NBN: variants seen among roughly 807,000 people sequenced by gnomAD.
The protein encoded by NBN is Nijmegen breakage syndrome 1 (nibrin).
Under a neutral mutation model 90.8 loss-of-function variants are expected in NBN, and 88 were observed. That is an observed-to-expected ratio of 0.97 (90% CI 0.82 to 1.16). The LOEUF is 1.16. Ranked by LOEUF, NBN falls within the 50% of genes most tolerant of loss-of-function variation. The probability of loss-of-function intolerance (pLI) is 0.00; values close to 1 mark genes in which losing one functional copy is unlikely to be tolerated. For missense variants in NBN, 894 were observed against 869.6 expected, an observed-to-expected ratio of 1.03 and a Z score of -0.35; for synonymous variants, 328 against 295.1, an observed-to-expected ratio of 1.11 and a Z score of -1.14.
chr8:89,984,480 T>A (rs1411468701), intron 1 of NBN, 45 bp downstream of exon 1: 1 of 1,573,770 alleles, frequency 6.4e-7, no homozygotes, highest in Non-Finnish European at 8.7e-7. Context: ...CCCGAGGCAG[T>A]CGCTACCGGG....
At chr8:89,951,946 G>A (rs1446739600) in intron 11 of NBN, among the ~76,000 whole-genome samples, 1 of 152,092 alleles carries the variant, frequency 6.6e-6, no homozygotes, top group East Asian at 1.9e-4. Flanking sequence ...TCCAATTCTG[G>A]CCAATAACAA....
In NBN at chr8:89,953,684, C is replaced by A. The variant is rs148205441; in HGVS notation, c.1405G>T (p.Asp469Tyr). The change falls in exon 11 of 16, where the codon GAT becomes TAT. Residue 469 changes from aspartate to tyrosine, a missense_variant. By Grantham distance (160) the Asp-to-Tyr change is radical (BLOSUM62 -3). Coordinates refer to ENST00000265433, the MANE Select transcript of NBN (RefSeq NM_002485.5). The part of the protein sequence containing the change: ...FQPSTKKRER[D>Y]EENQEMSSCK... ...GAAGACATTTCTTGATTTTCTTCATCCCTTTCCCTTAGATTTAAAAAAAAA... is the reference window on the plus strand; with the variant it reads ...GAAGACATTTCTTGATTTTCTTCATACCTTTCCCTTAGATTTAAAAAAAAA... The A allele has an allele frequency of 3.7e-5, 60 of 1,608,366 alleles. No homozygotes were observed. The African/African-American group carries it at 6.8e-4, about 18-fold the overall frequency.
At chr8:89,937,723 T>A (rs984581058) in intron 14 of NBN, among the ~76,000 whole-genome samples, 5 of 152,188 alleles carry the variant, frequency 3.3e-5, no homozygotes, top group Non-Finnish European at 4.4e-5. Context: ...CCCGCTGAAA[T>A]GTGCAAGGCT....
At chr8:89,971,993 C>T (rs1002121934) in intron 5 of NBN, among the ~76,000 whole-genome samples, 9 of 152,118 alleles carry the variant, frequency 5.9e-5, no homozygotes, top group East Asian at 1.9e-4. Flanking sequence ...CATAACTGAC[C>T]GGCATTTCGA....
In NBN at chr8:89,955,414, A is replaced by C; in HGVS notation, c.1266T>G (p.Ala422=). The change falls in exon 10 of 16, where the codon GCT becomes GCG. Residue 422 remains alanine (A), a synonymous_variant. Transcript: ENST00000265433. ...NNNSMVSNTL[A]KMRIPNYQLS... is the part of the protein sequence containing the mutation. ...GCTGATAGTTTGGGATTCTCATCTT[A>C]GCCAAAGTATTTGATACCATACTAT... is the stretch of plus-strand genomic sequence containing the variant. 1.2e-6 allele frequency: 2 copies of C among 1,613,872 alleles called. No individual in the cohort carries two copies. The highest frequency in any genetic ancestry group is 1.7e-6 in the Non-Finnish European group (2 of 1,179,822).
chr8:89,948,499 T>C (rs1232393011), intron 11 of NBN, among the ~76,000 whole-genome samples: 1 of 152,218 alleles, frequency 6.6e-6, no homozygotes, highest in Non-Finnish European at 1.5e-5. Context: ...CACAGTATCT[T>C]TCACATTAAC....
intron 2 of NBN, 66 bp downstream of exon 2, chr8:89,982,656 C>A: frequency 7.2e-7 from 1 of 1,388,902 alleles, no homozygotes. Context: ...CACATACAAA[C>A]CAAGAGAATA....
At chr8:89,984,361 C>T (rs1217667373) in intron 1 of NBN, 164 bp downstream of exon 1, 4 of 705,154 alleles carry the variant, frequency 5.7e-6, no homozygotes, top group Admixed American at 2.4e-5. Flanking sequence ...CCGTGCTGCC[C>T]GGGAAGAATA....
rs757994058 is a variant in NBN at position 89,953,236 on chromosome 8, T to C, written c.1845+8A>G. 1 of 1,571,424 alleles carries C rather than the reference T, an allele frequency of 6.4e-7. No individual in the cohort carries two copies. The highest frequency in any genetic ancestry group is 2.2e-5 in the East Asian group (1 of 44,626). On this transcript the variant is annotated splice_region_variant and intron_variant, in intron 11 of 15. Transcript: ENST00000265433. ...TGTACTATACCTCTCATTTAAAATGTTACTTACAGATATTTTGCTACTTTC... is the reference window on the plus strand; with the variant it reads ...TGTACTATACCTCTCATTTAAAATGCTACTTACAGATATTTTGCTACTTTC...
At position 89,984,535 on chromosome 8, in the gene NBN, G is replaced by A. The variant is rs1554569662; in HGVS notation, c.27C>T (p.Gly9=). 2 of 1,613,170 alleles carry A rather than the reference G, an allele frequency of 1.2e-6. No individual in the cohort carries two copies. The highest frequency in any genetic ancestry group is 1.7e-6 in the Non-Finnish European group (2 of 1,179,740). Residue 9 remains glycine, a synonymous_variant, in exon 1 of 16, where the codon GGC becomes GGT. Coordinates refer to ENST00000265433, the MANE Select transcript of NBN (RefSeq NM_002485.5). MWKLLPAA[G]PAGGEPYRLL... is the part of the protein sequence containing the mutation. ...CCCTTCTGCCCTTACCTCCTGCCGG[G>A]CCCGCGGCGGGCAGCAGTTTCCACA...
At chr8:89,976,175 T>A (rs1811746359) in intron 5 of NBN, among the ~76,000 whole-genome samples, 1 of 152,088 alleles carries the variant, frequency 6.6e-6, no homozygotes, top group South Asian at 2.1e-4. Context: ...ATTTTTAGTA[T>A]GTTGGTCCCA....
At chr8:89,972,793 CAGTA>C (rs1393949266) in intron 5 of NBN, among the ~76,000 whole-genome samples, 1 of 152,168 alleles carries the variant, frequency 6.6e-6, no homozygotes, top group Non-Finnish European at 1.5e-5. Context: ...CAGACAAAAA[CAGTA>C]AGGAAATGTT....
intron 14 of NBN, among the ~76,000 whole-genome samples, chr8:89,942,330 G>C (rs1197890619): frequency 6.6e-6 from 1 of 152,150 alleles, no homozygotes; most frequent in African/African-American, 2.4e-5. Context: ...ATCACAAGGA[G>C]AGATTTTAAT....
intron 13 of NBN, 94 bp from the exon 14 acceptor site, chr8:89,943,460 G>C (rs1810046526): frequency 8.1e-7 from 1 of 1,242,228 alleles, no homozygotes; most frequent in Non-Finnish European, 1.2e-6. Context: ...GGTAAATCAT[G>C]CATAAGTGCC....
intron 5 of NBN, among the ~76,000 whole-genome samples, chr8:89,972,183 A>G (rs1181492590): frequency 6.6e-6 from 1 of 152,254 alleles, no homozygotes; most frequent in African/African-American, 2.4e-5. Flanking sequence ...ACTATCCAGC[A>G]CTTTAGAACT....
chr8:89,980,892 T>C lies in NBN; in HGVS notation c.322A>G (p.Ile108Val), dbSNP rs1286492027. Residue 108 changes from isoleucine (I) to valine (V), a missense_variant and splice_region_variant, in exon 4 of 16, where the codon ATA becomes GTA. Ile to Val is a conservative substitution (Grantham distance 29). Coordinates refer to ENST00000265433, the MANE Select transcript of NBN (RefSeq NM_002485.5). The stretch of plus-strand genomic sequence containing the variant: ...CATGCAACCAAAGGCTCATACTCTA[T>C]TCTGTAAATGAGAATAAGTTAAATA... ...TFGVFGSKFR[I>V]EYEPLVACSS... The C allele has an allele frequency of 1.2e-6, 2 of 1,612,102 alleles. No individual in the cohort carries two copies. Among genetic ancestry groups the C allele is most frequent in the Non-Finnish European group, 1.7e-6 (2 of 1,179,082 alleles).
At chr8:89,955,802 C>T (rs1370770547) in intron 9 of NBN, among the ~76,000 whole-genome samples, 1 of 152,056 alleles carries the variant, frequency 6.6e-6, no homozygotes, top group Non-Finnish European at 1.5e-5. Context: ...CTATAGACGA[C>T]TGACAAACAC....
intron 5 of NBN, among the ~76,000 whole-genome samples, chr8:89,973,328 T>C (rs1382177848): frequency 6.6e-6 from 1 of 152,238 alleles, no homozygotes; most frequent in Non-Finnish European, 1.5e-5. Flanking sequence ...CAAGTATAGA[T>C]TTAAGTATTA....
chr8:89,967,571 T>G (rs977457646), intron 7 of NBN, among the ~76,000 whole-genome samples: 54 of 152,220 alleles, frequency 3.5e-4, no homozygotes, highest in African/African-American at 1.2e-3. Context: ...TGTGCAAGGC[T>G]GGGGAACAGG....
Sources: allele counts gnomAD v4.1 joint callset (sites outside exome capture counted in the v4.1 genomes callset), GRCh38; gene constraint gnomAD v4.1.1; transcripts MANE v1.5; gene names NCBI Gene and HGNC (gene_info 2026-07-23, HGNC 2026-07-21).